Variants in DGKD observed in about 807,000 individuals in gnomAD.
DGKD encodes DAG kinase delta.
A neutral mutation model predicts 154.4 loss-of-function variants in DGKD; 68 were observed. That is an observed-to-expected ratio of 0.44 (90% CI 0.36 to 0.54). The LOEUF (loss-of-function observed/expected upper bound fraction) is 0.54, where lower values mean the gene tolerates loss of function less well. Ranked by LOEUF, DGKD falls within the 20% of genes least tolerant of loss-of-function variation. DGKD has a pLI of 0.00. For synonymous variants in DGKD, 693 were observed against 638.0 expected (o/e 1.09, Z -1.30); for missense variants, 1,343 against 1,593.6 (o/e 0.84, Z 2.68).
chr2:233,403,991 C>G (rs1214632599), intron 3 of DGKD, among the ~76,000 whole-genome samples: 1 of 152,114 alleles, frequency 6.6e-6, no homozygotes, highest in East Asian at 1.9e-4. Context: ...GTGTTATATA[C>G]ATGTATAATT....
At chr2:233,422,462 C>T (rs970055673) in intron 3 of DGKD, among the ~76,000 whole-genome samples, 5 of 152,180 alleles carry the variant, frequency 3.3e-5, no homozygotes, top group Non-Finnish European at 7.3e-5. Context: ...CAGGGACAGG[C>T]GGGGCAGCTG....
chr2:233,421,387 G>A (rs1041716566), intron 3 of DGKD, among the ~76,000 whole-genome samples: 1 of 152,204 alleles, frequency 6.6e-6, no homozygotes, highest in Non-Finnish European at 1.5e-5. Context: ...GGGTTACTGA[G>A]GAGCCTCCCA....
chr2:233,464,597 C>T (rs1365609881), intron 27 of DGKD, among the ~76,000 whole-genome samples: 2 of 152,206 alleles, frequency 1.3e-5, no homozygotes, highest in African/African-American at 2.4e-5. Flanking sequence ...CAGCCTCCCC[C>T]GAGGGTGGAG....
intron 3 of DGKD, among the ~76,000 whole-genome samples, chr2:233,430,168 G>C (rs1342501301): frequency 1.3e-5 from 2 of 152,312 alleles, no homozygotes; most frequent in East Asian, 3.9e-4. Context: ...GGAATAATTT[G>C]GCAATAGCTA....
intron 26 of DGKD, 78 bp downstream of exon 26, chr2:233,462,813 G>A: frequency 7.8e-7 from 1 of 1,276,774 alleles, no homozygotes. Context: ...TGGGCACACA[G>A]GGCAGCACAC....
intron 1 of DGKD, among the ~76,000 whole-genome samples, chr2:233,360,937 A>C (rs1322742692): frequency 6.6e-6 from 1 of 150,892 alleles, no homozygotes; most frequent in African/African-American, 2.4e-5. Flanking sequence ...CGGCCTTCTG[A>C]TCCCTTGATC....
intron 1 of DGKD, among the ~76,000 whole-genome samples, chr2:233,386,406 C>T (rs914863019): frequency 3.3e-5 from 5 of 152,108 alleles, no homozygotes; most frequent in Non-Finnish European, 7.3e-5. Flanking sequence ...ATACCATTTC[C>T]CAGTCCTTCA....
chr2:233,418,561 T>C (rs186654878), intron 3 of DGKD, among the ~76,000 whole-genome samples: 2 of 152,392 alleles, frequency 1.3e-5, no homozygotes, highest in Admixed American at 1.3e-4. Flanking sequence ...ACAACCTATC[T>C]TCTGGTAGGT....
At chr2:233,464,482 C>T (rs990078785) in intron 27 of DGKD, among the ~76,000 whole-genome samples, 199 bp downstream of exon 27, 1 of 152,226 alleles carries the variant, frequency 6.6e-6, no homozygotes, top group East Asian at 1.9e-4. Flanking sequence ...GAGTTCTGGG[C>T]TGGGATTAAG....
intron 1 of DGKD, among the ~76,000 whole-genome samples, chr2:233,384,674 C>A (rs1575011537): frequency 6.6e-6 from 1 of 152,166 alleles, no homozygotes; most frequent in Non-Finnish European, 1.5e-5. Flanking sequence ...CTGTGTCCAT[C>A]TCTCCCCTGC....
intron 3 of DGKD, 70 bp downstream of exon 3, chr2:233,390,553 T>C (rs1169814615): frequency 4.3e-6 from 5 of 1,160,854 alleles, no homozygotes; most frequent in Non-Finnish European, 6.4e-6. Context: ...TCTGAACATG[T>C]GTCCAAGCAG....
chr2:233,382,794 A>T (rs1343518883), intron 1 of DGKD, among the ~76,000 whole-genome samples: 1 of 152,200 alleles, frequency 6.6e-6, no homozygotes, highest in Admixed American at 6.5e-5. Context: ...TTACATGCAG[A>T]ATAATACATG....
Position 233,469,516 on chromosome 2 carries a change from G to A in DGKD, c.*56G>A, listed in dbSNP as rs901860560. On this transcript the variant is annotated 3_prime_UTR_variant, in exon 30 of 30. Coordinates refer to ENST00000264057, the MANE Select transcript of DGKD (RefSeq NM_152879.3). ...TCCCCGCCGCCGAGGCCTAGCCTCC[G>A]CCCTCTCAGCCTGTGGCCTCTGCGC... is the stretch of plus-strand genomic sequence containing the variant. The A allele has an allele frequency of 1.0e-5, 15 of 1,472,680 alleles. No individual in the cohort carries two copies. In the South Asian group the frequency reaches 1.1e-4, roughly 11 times the overall value. 91.2% of individuals were successfully genotyped at this position (1,472,680 alleles called of 1,614,324 possible).
chr2:233,385,583 C>A (rs1703129107), intron 1 of DGKD, among the ~76,000 whole-genome samples: 1 of 152,230 alleles, frequency 6.6e-6, no homozygotes, highest in Non-Finnish European at 1.5e-5. Flanking sequence ...CCCGAGCGAA[C>A]TGTGCAGGGG....
chr2:233,419,540 G>A, intron 3 of DGKD: 1 of 717,428 alleles, frequency 1.4e-6, no homozygotes, highest in South Asian at 6.3e-5. Flanking sequence ...GCTCCAGAGG[G>A]TTGCTTCTTG....
rs559460581 is a variant in DGKD at position 233,384,712 on chromosome 2, C to G, written c.157-3545C>G. On this transcript the variant is annotated intron_variant, in intron 1 of 29. Transcript: ENST00000264057. Reference sequence around the variant, plus strand: ...CCCCAGACTCTTGTCATCAGCTCCCCCCTTATGCGAGTTTCTGGAGTGTTC... The same window carrying G: ...CCCCAGACTCTTGTCATCAGCTCCCGCCTTATGCGAGTTTCTGGAGTGTTC... Among the ~76,000 whole-genome samples the G allele has an allele frequency of 5.9e-5, 9 of 152,294 alleles. No homozygotes were observed. In the East Asian group the frequency reaches 1.7e-3, roughly 29 times the overall value.
At chr2:233,435,026 A>G in intron 5 of DGKD, 125 bp downstream of exon 5, 1 of 1,329,178 alleles carries the variant, frequency 7.5e-7, no homozygotes, top group Non-Finnish European at 1.0e-6. Context: ...AGTCAAGGGC[A>G]CAGCGATTTC....
rs10580286 is a variant in DGKD at position 233,360,984 on chromosome 2, GTT to G, written c.156+6331_156+6332del. On this transcript the variant is annotated intron_variant, in intron 1 of 29. Coordinates refer to ENST00000264057, the MANE Select transcript of DGKD (RefSeq NM_152879.3). The stretch of plus-strand genomic sequence containing the variant: ...GCCCCCAGAGCAGTGAGACAGTCAA[GTT>G]TTTTTTTTTTTTTTTTTTTTCCAAG... Among the ~76,000 whole-genome samples the G allele has an allele frequency of 4.9e-3, 629 of 129,082 alleles. 7 individuals carry two copies. Among genetic ancestry groups the G allele is most frequent in the African/African-American group, 0.015 (479 of 31,508 alleles). 84.7% of individuals were successfully genotyped at this position (129,082 alleles called of 152,430 possible).
chr2:233,459,412 A>G lies in DGKD; in HGVS notation c.2695-345A>G, dbSNP rs1441154452. ...TCCACTGTGCCATCTGCTCTTTTCT[A>G]GGGGTGTTTTCACGTGGCAGGGGCC... On this transcript the variant is annotated intron_variant, in intron 22 of 29. Coordinates refer to ENST00000264057, the MANE Select transcript of DGKD (RefSeq NM_152879.3). This position sits in a 1 kb window ranked among gnomAD's most constrained non-coding sequence, Gnocchi z 5.7. Among the ~76,000 whole-genome samples, 1 of 152,126 alleles carries G rather than the reference A, an allele frequency of 6.6e-6. No homozygotes were observed.
Sources: gnomAD v4.1 joint callset for allele counts (sites outside exome capture counted in the v4.1 genomes callset) on GRCh38, gnomAD v4.1.1 for gene constraint, Gnocchi (gnomAD v3.1) non-coding constraint, MANE v1.5 for transcripts, NCBI Gene and HGNC (gene_info 2026-07-23, HGNC 2026-07-21) for gene names.